SNTG2: variants seen among roughly 807,000 people sequenced by gnomAD.
SNTG2 encodes syntrophin gamma 2.
A neutral mutation model predicts 70.9 loss-of-function variants in SNTG2; 74 were observed. That is an observed-to-expected ratio of 1.04 (90% CI 0.86 to 1.27). The LOEUF (loss-of-function observed/expected upper bound fraction) is 1.27, where lower values mean the gene tolerates loss of function less well. Ranked by LOEUF, SNTG2 falls within the 50% of genes most tolerant of loss-of-function variation. The probability of loss-of-function intolerance (pLI) is 0.00; values close to 1 mark genes in which losing one functional copy is unlikely to be tolerated. For synonymous variants in SNTG2, 278 were observed against 273.8 expected, an observed-to-expected ratio of 1.02 and a Z score of -0.15; for missense variants, 717 against 690.7, an observed-to-expected ratio of 1.04 and a Z score of -0.43.
chr2:958,325 T>C (rs903462320), intron 1 of SNTG2, among the ~76,000 whole-genome samples: 1 of 152,206 alleles, frequency 6.6e-6, no homozygotes, highest in Admixed American at 6.5e-5. Context: ...AACTGTTTTC[T>C]TATAACTGAG....
chr2:1,031,528 A>ATATATATATATATATATATATTT, intron 1 of SNTG2, among the ~76,000 whole-genome samples: 10 of 59,116 alleles, frequency 1.7e-4, no homozygotes, highest in African/African-American at 7.5e-4. Context: ...ATATATATAT[A>ATATATATATATATATATATATTT]TTTTTTTTTT....
At chr2:1,023,623 G>A (rs1302380722) in intron 1 of SNTG2, among the ~76,000 whole-genome samples, 1 of 152,076 alleles carries the variant, frequency 6.6e-6, no homozygotes, top group Non-Finnish European at 1.5e-5. Flanking sequence ...TCTTGCCTTT[G>A]TGGGCCCACT....
rs147325175 is a variant in SNTG2, at chr2:1,324,517, T to C, written c.1488+8142T>C. Among the ~76,000 whole-genome samples the C allele has an allele frequency of 2.3e-3, 343 of 152,308 alleles. 1 individual carries two copies. The highest frequency in any genetic ancestry group is 6.8e-3 in the Middle Eastern group (2 of 294). On this transcript the variant is annotated intron_variant, in intron 16 of 16. Coordinates refer to ENST00000308624, the MANE Select transcript of SNTG2 (RefSeq NM_018968.4). Reference sequence around the variant, plus strand: ...AAAACTTCATGAATAAAATTAAATTTAGGTTCTTCTTTAGAGACTTCTTGG... The same window carrying C: ...AAAACTTCATGAATAAAATTAAATTCAGGTTCTTCTTTAGAGACTTCTTGG...
rs991820205 is a variant in SNTG2 at position 1,137,752 on chromosome 2, T to G, written c.370-16T>G. On this transcript the variant is annotated splice_polypyrimidine_tract_variant and intron_variant, in intron 5 of 16. Coordinates refer to ENST00000308624, the MANE Select transcript of SNTG2 (RefSeq NM_018968.4). ...CAATCGTTATTCTCAACATTCTTAC[T>G]TTGTCATCTGTTCAGGTTAATGGCA... The G allele has an allele frequency of 6.2e-7, 1 of 1,613,754 alleles. No homozygotes were observed. Among genetic ancestry groups the G allele is most frequent in the African/African-American group, 1.3e-5 (1 of 74,946 alleles).
chr2:965,202 C>CT, intron 1 of SNTG2, among the ~76,000 whole-genome samples: 1 of 98,552 alleles, frequency 1.0e-5, no homozygotes, highest in South Asian at 3.9e-4. Context: ...CAGTCCTCCT[C>CT]CTGGTCCCCA....
chr2:1,316,147 AT>A (rs1199944057), intron 15 of SNTG2, 117 bp from the exon 16 acceptor site: 17 of 588,782 alleles, frequency 2.9e-5, no homozygotes, highest in Non-Finnish European at 6.0e-6. Flanking sequence ...CTAAACGTCG[AT>A]TTAAACATTA....
At chr2:962,427 G>A (rs1314546830) in intron 1 of SNTG2, among the ~76,000 whole-genome samples, 1 of 152,166 alleles carries the variant, frequency 6.6e-6, no homozygotes, top group Non-Finnish European at 1.5e-5. Flanking sequence ...GACGGTTCTG[G>A]ATCTGGATCT....
chr2:1,141,920 TC>T (rs1668778556), intron 6 of SNTG2, among the ~76,000 whole-genome samples: 2 of 151,650 alleles, frequency 1.3e-5, no homozygotes, highest in African/African-American at 2.4e-5. Context: ...GCACTGGGGC[TC>T]CAAGGACGTG....
intron 13 of SNTG2, among the ~76,000 whole-genome samples, chr2:1,262,097 A>G (rs957927809): frequency 1.3e-5 from 2 of 152,214 alleles, no homozygotes; most frequent in African/African-American, 4.8e-5. Context: ...ACAAAACTGC[A>G]CCAGAGTTAA....
intron 1 of SNTG2, among the ~76,000 whole-genome samples, chr2:992,218 G>C (rs1661520936): frequency 6.6e-6 from 1 of 151,750 alleles, no homozygotes; most frequent in South Asian, 2.1e-4. Context: ...TCACAGAACA[G>C]GAAGCAGAAA....
chr2:1,352,473 C>T (rs1298420180), intron 16 of SNTG2, among the ~76,000 whole-genome samples: 1 of 152,204 alleles, frequency 6.6e-6, no homozygotes, highest in African/African-American at 2.4e-5. Context: ...GCAGCTGGGC[C>T]CCGTGTCAGG....
intron 7 of SNTG2, among the ~76,000 whole-genome samples, chr2:1,168,857 A>T (rs1208034291): frequency 6.6e-6 from 1 of 152,346 alleles, no homozygotes; most frequent in Non-Finnish European, 1.5e-5. Context: ...TGCATGAGAA[A>T]GGCGAATATT....
At chr2:1,314,628 C>A (rs1681182798) in intron 15 of SNTG2, among the ~76,000 whole-genome samples, 1 of 152,216 alleles carries the variant, frequency 6.6e-6, no homozygotes, top group Non-Finnish European at 1.5e-5. Context: ...CTGCTCGCGA[C>A]AAGAATGGAT....
intron 9 of SNTG2, among the ~76,000 whole-genome samples, chr2:1,226,307 A>G (rs543874435): frequency 6.6e-6 from 1 of 152,328 alleles, no homozygotes; most frequent in East Asian, 1.9e-4. Flanking sequence ...GTGTTTCTCA[A>G]AAACGGGATG....
intron 4 of SNTG2, among the ~76,000 whole-genome samples, chr2:1,122,924 AG>A (rs1400592501): frequency 4.5e-4 from 51 of 113,530 alleles, no homozygotes; most frequent in African/African-American, 2.1e-3. Context: ...TAGCTGAAAA[AG>A]AAATCAAAAC....
At chr2:1,111,434 C>G (rs971666187) in intron 4 of SNTG2, among the ~76,000 whole-genome samples, 8 of 152,158 alleles carry the variant, frequency 5.3e-5, no homozygotes, top group Admixed American at 3.3e-4. Context: ...GAGATTAGGA[C>G]CGCAGGTGTG....
chr2:1,014,435 A>C lies in SNTG2; in HGVS notation c.72+63367A>C, dbSNP rs187352640. On this transcript the variant is annotated intron_variant, in intron 1 of 16. Transcript: ENST00000308624. ...AGAAGGGTGCTCTGGAGAGGGATTT[A>C]TATGGGCAGAGAGAAGGGTGGTCTG... Among the ~76,000 whole-genome samples, 9 of 95,046 alleles carry C rather than the reference A, an allele frequency of 9.5e-5. 1 individual carries two copies. Among genetic ancestry groups the C allele is most frequent in the African/African-American group, 2.8e-4 (8 of 28,306 alleles). 62.4% of individuals were successfully genotyped at this position (95,046 alleles called of 152,430 possible).
intron 4 of SNTG2, among the ~76,000 whole-genome samples, chr2:1,122,625 A>G (rs960671238): frequency 1.9e-4 from 29 of 152,138 alleles, no homozygotes; most frequent in Non-Finnish European, 3.4e-4. Flanking sequence ...AATATGAACA[A>G]ACGCTTTAAC....
intron 13 of SNTG2, among the ~76,000 whole-genome samples, chr2:1,260,859 C>A (rs966311779): frequency 6.6e-6 from 1 of 152,150 alleles, no homozygotes; most frequent in East Asian, 1.9e-4. Flanking sequence ...CTTCTCCCCC[C>A]TCTTGTTTCA....
Sources: gnomAD v4.1 joint callset for allele counts (sites outside exome capture counted in the v4.1 genomes callset) on GRCh38, gnomAD v4.1.1 for gene constraint, MANE v1.5 for transcripts, NCBI Gene and HGNC (gene_info 2026-07-23, HGNC 2026-07-21) for gene names.